TMEM11: variants seen among roughly 807,000 people sequenced by gnomAD.
The protein encoded by TMEM11 is transmembrane protein 11, mitochondrial.
TMEM11 carries 1 observed loss-of-function variant against 17.0 expected under a neutral mutation model. The observed-to-expected ratio is 0.06, with a 90% CI of 0.02 to 0.28. The LOEUF (loss-of-function observed/expected upper bound fraction) is 0.28. TMEM11 is among the 10% of genes least tolerant of loss of function. The pLI is 1.00. For synonymous variants in TMEM11, 122 were observed against 118.1 expected, an observed-to-expected ratio of 1.03 and a Z score of -0.21; for missense variants, 172 against 252.9, an observed-to-expected ratio of 0.68 and a Z score of 2.17.
At position 21,198,028 on chromosome 17, in the gene TMEM11, AG is replaced by A; in HGVS notation, c.*295del. 2.9e-6 allele frequency: 1 copy of A among 342,930 alleles called. No homozygotes were observed. The highest frequency in any genetic ancestry group is 5.1e-5 in the East Asian group (1 of 19,580). The allele number at this position is 342,930 out of a possible 1,614,324, so 21.2% of individuals were successfully genotyped here. On this transcript the variant is annotated 3_prime_UTR_variant, in exon 2 of 2. Transcript: ENST00000317635. This position sits in a 1 kb window ranked among gnomAD's most constrained non-coding sequence, Gnocchi z 6.5. ...TGGTACAGTTAAACAATAGACTTAA[AG>A]ACCTCCCCCAAAGCACGTCCACACC...
At position 21,198,404 on chromosome 17, in the gene TMEM11, T is replaced by C; in HGVS notation, c.499A>G (p.Arg167Gly). The change falls in exon 2 of 2, where the codon AGA (arginine) becomes GGA (glycine). Residue 167 changes from arginine to glycine, a missense_variant. Around this residue, in one of 2 missense-constraint regions of TMEM11, gnomAD observed 123 missense variants for 213.6 expected, o/e 0.58. Transcript: ENST00000317635. This position sits in a 1 kb window ranked among gnomAD's most constrained non-coding sequence, Gnocchi z 6.5. ...GCTATCGTGTTGTGCAGTCTCTTTC[T>C]GTGCAGGTCGTCCTTCCGGACCAGC... ...VVLVRKDDLH[R>G]KRLHNTIALA... 6.2e-7 allele frequency: 1 copy of C among 1,614,248 alleles called. No individual in the cohort carries two copies. The highest frequency in any genetic ancestry group is 8.5e-7 in the Non-Finnish European group (1 of 1,180,052).
At chr17:21,203,342 G>T (rs1053222259) in intron 1 of TMEM11, among the ~76,000 whole-genome samples, 39 of 152,300 alleles carry the variant, frequency 2.6e-4, no homozygotes, top group Admixed American at 2.0e-3. Flanking sequence ...GCAGACACAG[G>T]TTTTTTAGCT....
chr17:21,198,572 C>T lies in TMEM11; in HGVS notation c.331G>A (p.Ala111Thr), dbSNP rs200018147. The T allele has an allele frequency of 1.3e-4, 211 of 1,613,966 alleles. No homozygotes were observed. The highest frequency in any genetic ancestry group is 1.6e-4 in the Non-Finnish European group (184 of 1,179,934). Reference sequence around the variant, plus strand: ...CAGCAGGCCAGGCTCAGCACACCAGCGGGCAGGGAAATGTAGTGGGAATAA... The same window carrying T: ...CAGCAGGCCAGGCTCAGCACACCAGTGGGCAGGGAAATGTAGTGGGAATAA... ...LDYSHYISLP[A>T]GVLSLACCTL... Residue 111 changes from alanine (A) to threonine (T), a missense_variant, in exon 2 of 2, where the codon GCT (alanine) becomes ACT (threonine). Ala to Thr is a moderately conservative substitution (Grantham distance 58). This residue lies in a region of TMEM11 where 123 missense variants were observed against 213.6 expected (regional missense o/e 0.58). Transcript: ENST00000317635. This position sits in a 1 kb window ranked among gnomAD's most constrained non-coding sequence, Gnocchi z 6.5.
intron 1 of TMEM11, among the ~76,000 whole-genome samples, chr17:21,206,504 A>G (rs1974944106): frequency 6.6e-6 from 1 of 152,070 alleles, no homozygotes; most frequent in Non-Finnish European, 1.5e-5. Context: ...AGTAAGAGCC[A>G]TTGTACCTGG....
intron 1 of TMEM11, chr17:21,211,130 CTGTT>C: frequency 7.8e-7 from 1 of 1,289,854 alleles, no homozygotes; most frequent in Non-Finnish European, 1.0e-6. Context: ...AAGTGGCAAT[CTGTT>C]TGATGTGCTC....
chr17:21,211,140 T>G, intron 1 of TMEM11: 1 of 1,289,864 alleles, frequency 7.8e-7, no homozygotes, highest in South Asian at 1.2e-5. Context: ...CTGTTTGATG[T>G]GCTCGTTGCC....
rs202195850 is a variant in TMEM11 at position 21,198,632 on chromosome 17, C to T, written c.271G>A (p.Ala91Thr). ...AGCGCCAACGGGGTGAAGAGGCAGG[C>T]GGTGCCCGCCAGCACGGCCGTCTTG... ...LHKTAVLAGTACLFTPLALPL... is the reference protein window; with the variant it reads ...LHKTAVLAGTTCLFTPLALPL... Residue 91 changes from alanine (A) to threonine (T), a missense_variant, in exon 2 of 2, where the codon GCC (alanine) becomes ACC (threonine). By Grantham distance (58) the Ala-to-Thr change is moderately conservative. This residue lies in a region of TMEM11 where 123 missense variants were observed against 213.6 expected (regional missense o/e 0.58). Coordinates refer to ENST00000317635, the MANE Select transcript of TMEM11 (RefSeq NM_003876.3). This position sits in a 1 kb window ranked among gnomAD's most constrained non-coding sequence, Gnocchi z 6.5. The T allele has an allele frequency of 1.5e-5, 24 of 1,612,312 alleles. No individual in the cohort carries two copies. Among genetic ancestry groups the T allele is most frequent in the East Asian group, 2.2e-5 (1 of 44,894 alleles).
rs189843722 is a variant in TMEM11, at chr17:21,201,220, C to T, written c.63-2380G>A. 3.3e-5 allele frequency among the ~76,000 whole-genome samples: 5 copies of T among 152,350 alleles called. No homozygotes were observed. The East Asian group carries it at 9.6e-4, about 29-fold the overall frequency. ...GCCCCCAAGCATGGGGACCCTAACC[C>T]CGCCCCTGGGTGGGAACCACTTTCA... On this transcript the variant is annotated intron_variant, in intron 1 of 1. Transcript: ENST00000317635.
chr17:21,201,470 G>A (rs1974882975), intron 1 of TMEM11, among the ~76,000 whole-genome samples: 1 of 152,076 alleles, frequency 6.6e-6, no homozygotes, highest in African/African-American at 2.4e-5. Context: ...GCCTCGCCAG[G>A]GATGAAATGA....
intron 1 of TMEM11, among the ~76,000 whole-genome samples, chr17:21,207,869 C>T (rs868595330): frequency 1.3e-5 from 2 of 151,656 alleles, no homozygotes; most frequent in Admixed American, 6.6e-5. Context: ...GCCAGGGGGA[C>T]AAGAGCGAGA....
chr17:21,204,556 G>A (rs28379188), intron 1 of TMEM11, among the ~76,000 whole-genome samples: 4,331 of 151,570 alleles, frequency 0.029, 188 homozygotes, highest in African/African-American at 0.099. Flanking sequence ...TATGCTATAC[G>A]TAGTGTATTT....
chr17:21,211,270 T>C, intron 1 of TMEM11: 1 of 1,274,300 alleles, frequency 7.8e-7, no homozygotes, highest in Non-Finnish European at 1.0e-6. Flanking sequence ...ATGCAAGCAC[T>C]ACCATTTTGC....
At position 21,198,829 on chromosome 17, in the gene TMEM11, G is replaced by A. The variant is rs1027658928; in HGVS notation, c.74C>T (p.Ser25Leu). 12 of 1,608,630 alleles carry A rather than the reference G, an allele frequency of 7.5e-6. No individual in the cohort carries two copies. The highest frequency in any genetic ancestry group is 6.7e-5 in the East Asian group (3 of 44,774). Reference sequence around the variant, plus strand: ...ATGCACAATGTAGCAGTCTGTGGCCGACAAGCTCACCCTTTTGATGGAGGG... The same window carrying A: ...ATGCACAATGTAGCAGTCTGTGGCCAACAAGCTCACCCTTTTGATGGAGGG... ...GGSARERVSLSATDCYIVHEI... is the reference protein window; with the variant it reads ...GGSARERVSLLATDCYIVHEI... Residue 25 changes from serine to leucine, a missense_variant, in exon 2 of 2, where the codon TCG (serine) becomes TTG (leucine). By Grantham distance (145) the Ser-to-Leu change is moderately radical. Transcript: ENST00000317635. This position sits in a 1 kb window ranked among gnomAD's most constrained non-coding sequence, Gnocchi z 6.5.
At chr17:21,212,740 G>A (rs1597774564) in intron 1 of TMEM11, among the ~76,000 whole-genome samples, 1 of 152,186 alleles carries the variant, frequency 6.6e-6, no homozygotes, top group African/African-American at 2.4e-5. Flanking sequence ...ACAAGAGGGC[G>A]TATGTTTCTA....
Position 21,198,895 on chromosome 17 carries a change from C to T in TMEM11, c.63-55G>A. 1 of 1,554,910 alleles carries T rather than the reference C, an allele frequency of 6.4e-7. No homozygotes were observed. Among genetic ancestry groups the T allele is most frequent in the African/African-American group, 1.3e-5 (1 of 74,098 alleles). ...GAGAGAGAGAGACAGGATGATTAGG[C>T]TGAGGAGCACTTAACTGTGTTTCAG... is the stretch of plus-strand genomic sequence containing the variant. On this transcript the variant is annotated intron_variant, in intron 1 of 1. Coordinates refer to ENST00000317635, the MANE Select transcript of TMEM11 (RefSeq NM_003876.3). This position sits in a 1 kb window ranked among gnomAD's most constrained non-coding sequence, Gnocchi z 6.5.
At chr17:21,204,456 A>G (rs1164693336) in intron 1 of TMEM11, among the ~76,000 whole-genome samples, 3 of 148,526 alleles carry the variant, frequency 2.0e-5, no homozygotes, top group African/African-American at 7.4e-5. Flanking sequence ...AAAAAAAAAA[A>G]AAAGAGAAAA....
Position 21,198,813 on chromosome 17 carries a change from G to A in TMEM11, c.90C>T (p.Tyr30=). 3.1e-6 allele frequency: 5 copies of A among 1,612,468 alleles called. No homozygotes were observed. Among genetic ancestry groups the A allele is most frequent in the Non-Finnish European group, 3.4e-6 (4 of 1,179,130 alleles). The change falls in exon 2 of 2, where the codon TAC becomes TAT. Residue 30 remains tyrosine, a synonymous_variant. Coordinates refer to ENST00000317635, the MANE Select transcript of TMEM11 (RefSeq NM_003876.3). The surrounding 1 kb of genome is among the most constrained non-coding windows in gnomAD (Gnocchi z 6.5). The stretch of plus-strand genomic sequence containing the variant: ...CCCCATTGTAGATCTCATGCACAAT[G>A]TAGCAGTCTGTGGCCGACAAGCTCA... ...ERVSLSATDC[Y]IVHEIYNGEN...
intron 1 of TMEM11, among the ~76,000 whole-genome samples, chr17:21,206,104 T>G (rs1308776629): frequency 6.6e-6 from 1 of 152,042 alleles, no homozygotes; most frequent in Non-Finnish European, 1.5e-5. Flanking sequence ...GCAGTTCAAT[T>G]TTTTAGTTTT....
chr17:21,203,198 G>A (rs994345422), intron 1 of TMEM11, among the ~76,000 whole-genome samples: 2 of 152,156 alleles, frequency 1.3e-5, no homozygotes, highest in South Asian at 2.1e-4. Context: ...ATATGGAGAC[G>A]GTAAGGTTCA....
Sources: gnomAD v4.1 joint callset for allele counts (sites outside exome capture counted in the v4.1 genomes callset) on GRCh38, gnomAD v4.1.1 for gene constraint, gnomAD v4.1.1 regional missense constraint, Gnocchi (gnomAD v3.1) non-coding constraint, MANE v1.5 for transcripts, NCBI Gene and HGNC (gene_info 2026-07-23, HGNC 2026-07-21) for gene names.